PTPRC: variants seen among roughly 807,000 people sequenced by gnomAD.
The protein encoded by PTPRC is protein tyrosine phosphatase receptor type C.
A neutral mutation model predicts 155.9 loss-of-function variants in PTPRC; 44 were observed. The ratio of observed to expected loss-of-function variants is 0.28; its 90% confidence interval spans 0.22 to 0.36. The LOEUF is 0.36. Ranked by LOEUF, PTPRC falls within the 10% of genes least tolerant of loss-of-function variation. The probability of loss-of-function intolerance (pLI) is 1.00; values close to 1 mark genes in which losing one functional copy is unlikely to be tolerated. For missense variants in PTPRC, 1,401 were observed against 1,564.6 expected, an observed-to-expected ratio of 0.90 and a Z score of 1.76; for synonymous variants, 525 against 533.1, an observed-to-expected ratio of 0.98 and a Z score of 0.21.
At chr1:198,646,381 C>T (rs1662938908) in intron 2 of PTPRC, among the ~76,000 whole-genome samples, 1 of 151,782 alleles carries the variant, frequency 6.6e-6, no homozygotes, top group Admixed American at 6.6e-5. Flanking sequence ...TCTTTTCAAA[C>T]AATACAGATC....
At chr1:198,716,965 A>G (rs1653622429) in intron 13 of PTPRC, 125 bp downstream of exon 13, 1 of 852,278 alleles carries the variant, frequency 1.2e-6, no homozygotes, top group Non-Finnish European at 1.9e-6. Context: ...GTTAACATCT[A>G]GGGCTTATAA....
At chr1:198,717,961 A>G in intron 13 of PTPRC, 133 bp from the exon 14 acceptor site, 1 of 736,934 alleles carries the variant, frequency 1.4e-6, no homozygotes, top group Non-Finnish European at 2.3e-6. Context: ...TAATTTATGT[A>G]CTATCATAAC....
At position 198,716,858 on chromosome 1, in the gene PTPRC, A is replaced by T. The variant is rs1460462633; in HGVS notation, c.1450+18A>T. The T allele has an allele frequency of 6.2e-7, 1 of 1,611,302 alleles. No homozygotes were observed. The highest frequency in any genetic ancestry group is 1.3e-5 in the African/African-American group (1 of 74,862). On this transcript the variant is annotated intron_variant, in intron 13 of 32. Transcript: ENST00000442510. ...AAGTGCTCGTAAGTTATATGTTTTAATGCTTCTTTCCATAAATGGTAAAAA... is the reference window on the plus strand; with the variant it reads ...AAGTGCTCGTAAGTTATATGTTTTATTGCTTCTTTCCATAAATGGTAAAAA...
intron 2 of PTPRC, among the ~76,000 whole-genome samples, chr1:198,676,317 A>C (rs1353046008): frequency 6.6e-6 from 1 of 152,360 alleles, no homozygotes; most frequent in East Asian, 1.9e-4. Context: ...CAGGAGGAAT[A>C]GTAAATTGAA....
chr1:198,749,474 T>C lies in PTPRC; in HGVS notation c.2997T>C (p.His999=), dbSNP rs1229070418. 6.2e-7 allele frequency: 1 copy of C among 1,609,214 alleles called. No homozygotes were observed. The highest frequency in any genetic ancestry group is 8.5e-7 in the Non-Finnish European group (1 of 1,176,518). ...HELEMSKESE[H]DSDESSDDDS... ...TGGAAATGAGTAAAGAGAGTGAGCA[T>C]GATTCAGATGAATCCTCTGATGATG... is the stretch of plus-strand genomic sequence containing the variant. The change falls in exon 28 of 33, where the codon CAT becomes CAC. Residue 999 remains histidine, a synonymous_variant. Transcript: ENST00000442510.
chr1:198,649,981 G>C (rs1194479837), intron 2 of PTPRC, among the ~76,000 whole-genome samples: 1 of 151,838 alleles, frequency 6.6e-6, no homozygotes, highest in Admixed American at 6.6e-5. Flanking sequence ...GATCGGGGAA[G>C]ATCCTTATGA....
At position 198,744,215 on chromosome 1, in the gene PTPRC, G is replaced by A; in HGVS notation, c.2847+12G>A. On this transcript the variant is annotated intron_variant, in intron 26 of 32. Coordinates refer to ENST00000442510, the MANE Select transcript of PTPRC (RefSeq NM_002838.5). ...AGGCTGAATTCCAGGTAATGATAGT[G>A]ACAACAATAATAATAATTACAGATA... is the stretch of plus-strand genomic sequence containing the variant. 1 of 1,592,870 alleles carries A rather than the reference G, an allele frequency of 6.3e-7. No homozygotes were observed. The highest frequency in any genetic ancestry group is 8.6e-7 in the Non-Finnish European group (1 of 1,162,862).
intron 2 of PTPRC, among the ~76,000 whole-genome samples, chr1:198,660,171 G>C (rs908096173): frequency 6.6e-6 from 1 of 150,786 alleles, no homozygotes; most frequent in Admixed American, 6.6e-5. Flanking sequence ...TTTCAGAAAA[G>C]TTGTTTCCTC....
At chr1:198,694,845 A>G (rs1211681665) in intron 3 of PTPRC, 3 of 965,934 alleles carry the variant, frequency 3.1e-6, no homozygotes, top group Non-Finnish European at 3.7e-6. Context: ...GAAAAAATCT[A>G]AAGTTAGACC....
intron 2 of PTPRC, among the ~76,000 whole-genome samples, chr1:198,658,881 A>C (rs1663761911): frequency 6.6e-6 from 1 of 152,144 alleles, no homozygotes; most frequent in African/African-American, 2.4e-5. Context: ...AATCTTTAGA[A>C]GAAAGAGTGC....
At chr1:198,680,061 G>T (rs1571823821) in intron 2 of PTPRC, 1 of 474,440 alleles carries the variant, frequency 2.1e-6, no homozygotes, top group Non-Finnish European at 3.7e-6. Flanking sequence ...AGAACGCAGC[G>T]CGCAGCTGGG....
intron 7 of PTPRC, 91 bp downstream of exon 7, chr1:198,703,463 T>C (rs1457097260): frequency 6.3e-7 from 1 of 1,596,832 alleles, no homozygotes; most frequent in South Asian, 1.1e-5. Context: ...TACCTCGGGC[T>C]CCTTTCTTTA....
rs1571900816 is a variant in PTPRC at position 198,756,569 on chromosome 1, T to TTAAC, written c.*390_*393dup. On this transcript the variant is annotated 3_prime_UTR_variant, in exon 33 of 33. Coordinates refer to ENST00000442510, the MANE Select transcript of PTPRC (RefSeq NM_002838.5). Reference sequence around the variant, plus strand: ...AAAAATACATTTTATATTAGAAGTGTTAACTTAGCTTGAAGGATCTGTTTT... The same window carrying TTAAC: ...AAAAATACATTTTATATTAGAAGTGTTAACTAACTTAGCTTGAAGGATCTGTTTT... 1.0e-5 allele frequency: 2 copies of TTAAC among 194,702 alleles called. No individual in the cohort carries two copies. The highest frequency in any genetic ancestry group is 8.2e-5 in the South Asian group (1 of 12,176). The allele number at this position is 194,702 out of a possible 1,614,324, so 12.1% of individuals were successfully genotyped here. A position where few individuals can be genotyped will look rare whatever the true frequency, so the allele number is the denominator to read the frequency against.
rs1666582401 is a variant in PTPRC, at chr1:198,703,637, A to C, written c.658+265A>C. ...CACATCTACTAGAACTTTTTCTCACAGGGGTTTAGGTCTTAGTAAGGAAAA... is the reference window on the plus strand; with the variant it reads ...CACATCTACTAGAACTTTTTCTCACCGGGGTTTAGGTCTTAGTAAGGAAAA... On this transcript the variant is annotated intron_variant, in intron 7 of 32. Coordinates refer to ENST00000442510, the MANE Select transcript of PTPRC (RefSeq NM_002838.5). 4.2e-5 allele frequency: 24 copies of C among 566,398 alleles called. No individual in the cohort carries two copies. In the South Asian group the frequency reaches 4.8e-4, roughly 11 times the overall value. The allele number at this position is 566,398 out of a possible 1,614,324, so 35.1% of individuals were successfully genotyped here.
chr1:198,734,434 C>A lies in PTPRC; in HGVS notation c.2277+9C>A, dbSNP rs768117424. 2 of 1,607,950 alleles carry A rather than the reference C, an allele frequency of 1.2e-6. No homozygotes were observed. Among genetic ancestry groups the A allele is most frequent in the South Asian group, 1.1e-5 (1 of 90,926 alleles). ...GTGAAGAAGGAAACAGGGTAAGAAC[C>A]AAGAAGATTCATAGTGTGGGTCTTG... On this transcript the variant is annotated intron_variant, in intron 22 of 32. Transcript: ENST00000442510.
rs1440110892 is a variant in PTPRC, at chr1:198,757,123, A to AAAAT, written c.*944_*947dup. The AAAAT allele has an allele frequency of 6.6e-6, 1 of 151,912 alleles. No homozygotes were observed. The highest frequency in any genetic ancestry group is 2.4e-5 in the African/African-American group (1 of 41,424). The allele number at this position is 151,912 out of a possible 1,614,324, so 9.4% of individuals were successfully genotyped here. A position where few individuals can be genotyped will look rare whatever the true frequency, so the allele number is the denominator to read the frequency against. On this transcript the variant is annotated 3_prime_UTR_variant, in exon 33 of 33. Coordinates refer to ENST00000442510, the MANE Select transcript of PTPRC (RefSeq NM_002838.5). ...TTTATGGAATTTTTCATTGATATGA[A>AAAAT]AAATATGATATTGCATATGCATAGT...
Position 198,707,634 on chromosome 1 carries a change from C to G in PTPRC, c.905-499C>G, listed in dbSNP as rs547078746. The stretch of plus-strand genomic sequence containing the variant: ...ATCAAATGTATTTTGAAAATAAAAT[C>G]CATTTAATTTATTCATTTTCCCTAA... On this transcript the variant is annotated intron_variant, in intron 9 of 32. Transcript: ENST00000442510. 2.0e-5 allele frequency among the ~76,000 whole-genome samples: 3 copies of G among 152,098 alleles called. No homozygotes were observed. In the East Asian group the frequency reaches 5.8e-4, roughly 29 times the overall value.
intron 8 of PTPRC, 86 bp from the exon 9 acceptor site, chr1:198,706,648 T>C: frequency 1.4e-6 from 2 of 1,408,150 alleles, no homozygotes; most frequent in Non-Finnish European, 2.0e-6. Flanking sequence ...GGATATTTGG[T>C]TAGTTGATTT....
intron 2 of PTPRC, among the ~76,000 whole-genome samples, chr1:198,643,798 G>T (rs953896198): frequency 6.6e-6 from 1 of 151,956 alleles, no homozygotes; most frequent in African/African-American, 2.4e-5. Context: ...AACACAAACA[G>T]ATCAGGTCCA....
Sources: allele counts gnomAD v4.1 joint callset (sites outside exome capture counted in the v4.1 genomes callset), GRCh38; gene constraint gnomAD v4.1.1; transcripts MANE v1.5; gene names NCBI Gene and HGNC (gene_info 2026-07-23, HGNC 2026-07-21).